Variants in DAB2IP observed in about 807,000 individuals in gnomAD.
The protein encoded by DAB2IP is DAB2 interacting protein.
In DAB2IP, 28 loss-of-function variants were observed where a neutral mutation model predicts 107.2. The ratio of observed to expected loss-of-function variants is 0.26; its 90% confidence interval spans 0.19 to 0.36. The LOEUF (loss-of-function observed/expected upper bound fraction) is 0.36. DAB2IP is among the 10% of genes least tolerant of loss of function. The probability of loss-of-function intolerance (pLI) is 1.00; values close to 1 mark genes in which losing one functional copy is unlikely to be tolerated. For missense variants in DAB2IP, 1,400 were observed against 1,644.7 expected (o/e 0.85, Z 2.57); for synonymous variants, 755 against 706.4 (o/e 1.07, Z -1.09).
In DAB2IP at chr9:121,774,157, G is replaced by A. The variant is rs901972509; in HGVS notation, c.2968-103G>A. On this transcript the variant is annotated intron_variant, in intron 12 of 15. Coordinates refer to ENST00000408936, the Ensembl canonical transcript of DAB2IP. ...CAGCTGGAGGTCCCCTCTTCCCACC[G>A]TGTCCCAGAGTTGCTTGTCCTTGTG... The A allele has an allele frequency of 2.2e-5, 29 of 1,295,180 alleles. No homozygotes were observed. In the East Asian group the frequency reaches 4.9e-4, roughly 22 times the overall value. 80.2% of individuals were successfully genotyped at this position (1,295,180 alleles called of 1,614,324 possible). A position where few individuals can be genotyped will look rare whatever the true frequency, so the allele number is the denominator to read the frequency against.
intron 1 of DAB2IP, among the ~76,000 whole-genome samples, chr9:121,632,406 C>CTGCATCTGCATCAGAT (rs1831929779): frequency 6.6e-6 from 1 of 152,134 alleles, no homozygotes; most frequent in Admixed American, 6.5e-5. Context: ...CAGGGACAAA[C>CTGCATCTGCATCAGAT]GCGGCCAAGT....
chr9:121,759,738 C>T (rs1341322858), intron 5 of DAB2IP, 147 bp from the exon 6 acceptor site: 1 of 670,190 alleles, frequency 1.5e-6, no homozygotes, highest in Non-Finnish European at 2.5e-6. Context: ...CATGCCCTGC[C>T]TCATCCTGAC....
intron 1 of DAB2IP, among the ~76,000 whole-genome samples, chr9:121,652,115 G>A (rs2119061341): frequency 6.6e-6 from 1 of 152,238 alleles, no homozygotes; most frequent in Non-Finnish European, 1.5e-5. Flanking sequence ...CTCCTCTTAA[G>A]CCAGGGACAG....
chr9:121,733,761 T>C (rs1425987022), intron 3 of DAB2IP, among the ~76,000 whole-genome samples: 2 of 151,914 alleles, frequency 1.3e-5, no homozygotes, highest in East Asian at 3.9e-4. Flanking sequence ...GAAAGGTGAA[T>C]GAAAATTAGA....
At chr9:121,777,767 CCAACTGGTTTTTGCTTT>C (rs1835308298) in intron 14 of DAB2IP, among the ~76,000 whole-genome samples, 1 of 151,694 alleles carries the variant, frequency 6.6e-6, no homozygotes, top group African/African-American at 2.4e-5. Flanking sequence ...TGAATTAATT[CCAACTGGTTTTTGCTTT>C]ATGTACACTG....
intron 1 of DAB2IP, among the ~76,000 whole-genome samples, chr9:121,643,821 G>A (rs542868447): frequency 6.6e-6 from 1 of 152,350 alleles, no homozygotes; most frequent in Admixed American, 6.5e-5. Context: ...GCTGGGAGCT[G>A]TACTGATCAG....
chr9:121,756,941 GA>G (rs1053238036), intron 3 of DAB2IP, 71 bp from the exon 4 acceptor site: 59 of 1,605,702 alleles, frequency 3.7e-5, no homozygotes, highest in Middle Eastern at 2.1e-4. Flanking sequence ...GGCCAGGGCA[GA>G]TGGGTGGGAC....
chr9:121,621,133 C>T (rs1564704962), intron 1 of DAB2IP, among the ~76,000 whole-genome samples: 1 of 152,110 alleles, frequency 6.6e-6, no homozygotes, highest in Non-Finnish European at 1.5e-5. Flanking sequence ...CCTTGGGCAC[C>T]ATCTCCTGCA....
intron 1 of DAB2IP, chr9:121,576,054 C>T (rs1830049830): frequency 6.6e-6 from 1 of 152,606 alleles, no homozygotes; most frequent in Admixed American, 6.5e-5. Flanking sequence ...TCTCCAGCCC[C>T]CACTTCAGGC....
chr9:121,674,038 C>T (rs530410284), intron 1 of DAB2IP, among the ~76,000 whole-genome samples: 28 of 152,328 alleles, frequency 1.8e-4, no homozygotes, highest in East Asian at 5.8e-4. Context: ...TCGGGAACCA[C>T]GGGGCAGTGC....
intron 1 of DAB2IP, among the ~76,000 whole-genome samples, chr9:121,652,473 G>A (rs1402829132): frequency 6.6e-6 from 1 of 152,130 alleles, no homozygotes; most frequent in Non-Finnish European, 1.5e-5. Flanking sequence ...TCCAGTAACA[G>A]GATCCTCGGC....
At chr9:121,759,468 T>C (rs1237667677) in intron 5 of DAB2IP, among the ~76,000 whole-genome samples, 1 of 152,234 alleles carries the variant, frequency 6.6e-6, no homozygotes, top group Non-Finnish European at 1.5e-5. Flanking sequence ...CCTAGCCGAC[T>C]TGAGGGCTTG....
intron 14 of DAB2IP, among the ~76,000 whole-genome samples, chr9:121,777,353 C>A (rs796934469): frequency 1.3e-5 from 2 of 152,306 alleles, no homozygotes; most frequent in African/African-American, 4.8e-5. Context: ...GTTGTTTGCT[C>A]CATTTACTTG....
At chr9:121,743,427 T>G (rs533320073) in intron 3 of DAB2IP, among the ~76,000 whole-genome samples, 18 of 151,682 alleles carry the variant, frequency 1.2e-4, no homozygotes, top group Admixed American at 1.3e-4. Context: ...GGAGTTTCGT[T>G]TTTTGTTTTT....
chr9:121,760,588 C>G lies in DAB2IP; in HGVS notation c.1170+149C>G, dbSNP rs1002924404. On this transcript the variant is annotated intron_variant, in intron 6 of 15. Coordinates refer to ENST00000408936, the Ensembl canonical transcript of DAB2IP. This position sits in a 1 kb window ranked among gnomAD's most constrained non-coding sequence, Gnocchi z 5.9. ...GGCTCCCTAAACCCAAAAGTTCTATCGTGGGCTGGGGGTTTTGTACTCCTG... is the reference window on the plus strand; with the variant it reads ...GGCTCCCTAAACCCAAAAGTTCTATGGTGGGCTGGGGGTTTTGTACTCCTG... The G allele has an allele frequency of 1.0e-5, 10 of 1,004,374 alleles. No individual in the cohort carries two copies. Among genetic ancestry groups the G allele is most frequent in the South Asian group, 3.5e-5 (2 of 56,980 alleles). The allele number at this position is 1,004,374 out of a possible 1,614,324, so 62.2% of individuals were successfully genotyped here. A position where few individuals can be genotyped will look rare whatever the true frequency, so the allele number is the denominator to read the frequency against.
chr9:121,631,148 G>A (rs940850076), intron 1 of DAB2IP, among the ~76,000 whole-genome samples: 3 of 152,216 alleles, frequency 2.0e-5, no homozygotes, highest in Admixed American at 6.5e-5. Context: ...TTGGGGGACA[G>A]CAGCTCCTGG....
intron 1 of DAB2IP, among the ~76,000 whole-genome samples, chr9:121,609,850 A>C (rs963626556): frequency 6.6e-6 from 1 of 152,214 alleles, no homozygotes. Context: ...CCAAGAGCCA[A>C]GAATTCCCAG....
At chr9:121,671,193 G>A (rs994976858) in intron 1 of DAB2IP, among the ~76,000 whole-genome samples, 6 of 151,982 alleles carry the variant, frequency 3.9e-5, no homozygotes, top group Non-Finnish European at 7.4e-5. Flanking sequence ...AAAATTAGCC[G>A]GGCATGGTGG....
chr9:121,747,037 G>A (rs1832767510), intron 3 of DAB2IP, among the ~76,000 whole-genome samples: 1 of 152,180 alleles, frequency 6.6e-6, no homozygotes, highest in Non-Finnish European at 1.5e-5. Context: ...GGAGGGCAGT[G>A]GGCTAGCATG....
Sources: allele counts gnomAD v4.1 joint callset (sites outside exome capture counted in the v4.1 genomes callset), GRCh38; gene constraint gnomAD v4.1.1; non-coding constraint Gnocchi (gnomAD v3.1); transcripts MANE v1.5; gene names NCBI Gene and HGNC (gene_info 2026-07-23, HGNC 2026-07-21).